The following KIAA0825 variants were observed in gnomAD, a reference collection of about 807,000 sequenced individuals.
The protein encoded by KIAA0825 is KIAA0825.
KIAA0825 carries 119 observed loss-of-function variants against 147.6 expected under a neutral mutation model. The ratio of observed to expected loss-of-function variants is 0.81; its 90% CI spans 0.69 to 0.94. The LOEUF (loss-of-function observed/expected upper bound fraction) is 0.94. Among genes scored for constraint, KIAA0825 ranks in the 40% least tolerant of loss-of-function variants. The probability of loss-of-function intolerance (pLI) is 0.00; values close to 1 mark genes in which losing one functional copy is unlikely to be tolerated. For missense variants in KIAA0825, 1,381 were observed against 1,472.7 expected (o/e 0.94, Z 1.02); for synonymous variants, 470 against 518.1 (o/e 0.91, Z 1.26).
intron 20 of KIAA0825, among the ~76,000 whole-genome samples, chr5:94,214,069 T>C (rs577834543): frequency 6.6e-6 from 1 of 152,298 alleles, no homozygotes; most frequent in Non-Finnish European, 1.5e-5. Context: ...GTTGGCCAGC[T>C]GGTCTCAAAC....
At chr5:94,205,299 A>ATATATATATATATATATT (rs1254935243) in intron 20 of KIAA0825, among the ~76,000 whole-genome samples, 56 of 137,874 alleles carry the variant, frequency 4.1e-4, no homozygotes, top group African/African-American at 1.5e-3. Flanking sequence ...ATATATATAT[A>ATATATATATATATATATT]TTTTGTTTTG....
intron 20 of KIAA0825, among the ~76,000 whole-genome samples, chr5:94,383,902 A>G (rs1315363719): frequency 6.6e-6 from 1 of 151,946 alleles, no homozygotes; most frequent in East Asian, 1.9e-4. Context: ...TGAAAAATTC[A>G]ATCATGACAG....
chr5:94,336,407 C>T (rs1781797685), intron 20 of KIAA0825, among the ~76,000 whole-genome samples: 2 of 151,752 alleles, frequency 1.3e-5, no homozygotes, highest in Admixed American at 1.3e-4. Context: ...CTATCCCTCC[C>T]CTAGCCCCCC....
At chr5:94,367,709 A>G (rs933202059) in intron 20 of KIAA0825, among the ~76,000 whole-genome samples, 2 of 152,198 alleles carry the variant, frequency 1.3e-5, no homozygotes, top group African/African-American at 4.8e-5. Flanking sequence ...TTTGAAGTGG[A>G]AGAGTGGCAG....
intron 20 of KIAA0825, among the ~76,000 whole-genome samples, chr5:94,288,601 C>A (rs368682815): frequency 6.6e-6 from 1 of 152,160 alleles, no homozygotes; most frequent in South Asian, 2.1e-4. Flanking sequence ...TAGCACCAAA[C>A]CTGAGATGCT....
intron 20 of KIAA0825, among the ~76,000 whole-genome samples, chr5:94,282,029 A>G (rs1243615674): frequency 6.6e-6 from 1 of 152,088 alleles, no homozygotes; most frequent in African/African-American, 2.4e-5. Flanking sequence ...CATGCCTGCC[A>G]CCAAAATGTT....
In KIAA0825 at chr5:94,512,802, A is replaced by T. The variant is rs954108142; in HGVS notation, c.970+7446T>A. Among the ~76,000 whole-genome samples, 26 of 152,236 alleles carry T rather than the reference A, an allele frequency of 1.7e-4. No homozygotes were observed. In the East Asian group the frequency reaches 4.4e-3, roughly 26 times the overall value. ...GTCCCAGCTACTGGGAGGCTGAGACAGGAGAATCGCTTTTACCTGGGAGGC... is the reference window on the plus strand; with the variant it reads ...GTCCCAGCTACTGGGAGGCTGAGACTGGAGAATCGCTTTTACCTGGGAGGC... On this transcript the variant is annotated intron_variant, in intron 5 of 20. Transcript: ENST00000682413.
At chr5:94,244,751 G>A (rs576484792) in intron 20 of KIAA0825, among the ~76,000 whole-genome samples, 9 of 152,190 alleles carry the variant, frequency 5.9e-5, no homozygotes, top group East Asian at 3.9e-4. Flanking sequence ...AGTACTTGAC[G>A]AATAGTAGGG....
rs182639309 is a variant in KIAA0825 at position 94,523,802 on chromosome 5, A to G, written c.300+128T>C. On this transcript the variant is annotated intron_variant, in intron 4 of 20. Coordinates refer to ENST00000682413, the MANE Select transcript of KIAA0825 (RefSeq NM_001145678.3). ...ATTATGTTGGGGATATAGGAACATA[A>G]AAACACAAACCCCTATGTATGGCAG... 1.0e-3 allele frequency: 546 copies of G among 534,104 alleles called. 4 individuals carry two copies. The highest frequency in any genetic ancestry group is 9.6e-3 in the African/African-American group (489 of 51,094). The allele number at this position is 534,104 out of a possible 1,614,324, so 33.1% of individuals were successfully genotyped here.
At chr5:94,530,271 CAAAAA>C (rs770501364) in intron 3 of KIAA0825, among the ~76,000 whole-genome samples, 3 of 54,596 alleles carry the variant, frequency 5.5e-5, no homozygotes, top group African/African-American at 1.3e-4. Flanking sequence ...AACTCCGTCA[CAAAAA>C]AAAAAAAAAA....
chr5:94,569,259 G>C lies in KIAA0825; in HGVS notation c.-2+13174C>G, dbSNP rs560682881. ...ACTCCTCAATAGCTATTGCTGTAGT[G>C]TACCCAAAAACAACCATTATACCCC... On this transcript the variant is annotated intron_variant, in intron 2 of 20. Coordinates refer to ENST00000682413, the MANE Select transcript of KIAA0825 (RefSeq NM_001145678.3). The C allele has an allele frequency of 1.8e-4, 47 of 259,980 alleles. 1 individual carries two copies. The highest frequency in any genetic ancestry group is 1.0e-3 in the African/African-American group (45 of 44,824). The allele number at this position is 259,980 out of a possible 1,614,324, so 16.1% of individuals were successfully genotyped here. A position where few individuals can be genotyped will look rare whatever the true frequency, so the allele number is the denominator to read the frequency against.
intron 5 of KIAA0825, 29 bp from the exon 6 acceptor site, chr5:94,484,959 T>C (rs1013411538): frequency 1.5e-6 from 2 of 1,375,474 alleles, no homozygotes; most frequent in African/African-American, 2.9e-5. Context: ...AATACTGTCA[T>C]ACATTTTATT....
intron 3 of KIAA0825, among the ~76,000 whole-genome samples, chr5:94,533,277 CTT>C (rs780139022): frequency 0.013 from 1,555 of 124,328 alleles, 18 homozygotes; most frequent in African/African-American, 0.034. Context: ...TGTGCCCGGC[CTT>C]TTTTTTTTTT....
At chr5:94,483,989 G>A (rs1299734250) in intron 6 of KIAA0825, among the ~76,000 whole-genome samples, 1 of 151,298 alleles carries the variant, frequency 6.6e-6, no homozygotes, top group Non-Finnish European at 1.5e-5. Context: ...ACGTAAAGGA[G>A]AACTTTGTAT....
At chr5:94,331,009 G>A (rs893010504) in intron 20 of KIAA0825, among the ~76,000 whole-genome samples, 1 of 151,888 alleles carries the variant, frequency 6.6e-6, no homozygotes, top group African/African-American at 2.4e-5. Context: ...GTGGTGGTGG[G>A]CTCCTGTAAT....
chr5:94,478,597 C>T, intron 6 of KIAA0825, among the ~76,000 whole-genome samples: 1 of 152,074 alleles, frequency 6.6e-6, no homozygotes, highest in East Asian at 1.9e-4. Context: ...GGGTTTTAGA[C>T]TCAAACAGTG....
chr5:94,529,428 T>G (rs909642611), intron 3 of KIAA0825, among the ~76,000 whole-genome samples: 7 of 146,504 alleles, frequency 4.8e-5, no homozygotes, highest in South Asian at 2.1e-4. Flanking sequence ...ATATCATATG[T>G]ATATATCATA....
intron 2 of KIAA0825, among the ~76,000 whole-genome samples, chr5:94,563,379 T>G (rs1777943179): frequency 6.6e-6 from 1 of 151,780 alleles, no homozygotes; most frequent in Non-Finnish European, 1.5e-5. Flanking sequence ...AAAAGATGTT[T>G]TGGATTCACT....
intron 1 of KIAA0825, among the ~76,000 whole-genome samples, chr5:94,611,381 C>T (rs1425384626): frequency 1.3e-5 from 2 of 151,916 alleles, no homozygotes; most frequent in African/African-American, 4.8e-5. Flanking sequence ...TTTTATATCC[C>T]CAATCCTGAA....
Sources: gnomAD v4.1 joint callset for allele counts (sites outside exome capture counted in the v4.1 genomes callset) on GRCh38, gnomAD v4.1.1 for gene constraint, MANE v1.5 for transcripts, NCBI Gene and HGNC (gene_info 2026-07-23, HGNC 2026-07-21) for gene names.